The following AMMECR1L variants were observed in gnomAD, a reference collection of about 807,000 sequenced individuals.
The protein encoded by AMMECR1L is AMMECR1-like protein.
A neutral mutation model predicts 36.8 loss-of-function variants in AMMECR1L; 4 were observed. The observed-to-expected ratio is 0.11, with a 90% confidence interval of 0.05 to 0.25. The LOEUF (loss-of-function observed/expected upper bound fraction) is 0.25. Ranked by LOEUF, AMMECR1L falls within the 10% of genes least tolerant of loss-of-function variation. The pLI, the probability that AMMECR1L is intolerant of heterozygous loss-of-function variation, is 1.00. For synonymous variants in AMMECR1L, 147 were observed against 148.0 expected, an observed-to-expected ratio of 0.99 and a Z score of 0.05; for missense variants, 232 against 392.1, an observed-to-expected ratio of 0.59 and a Z score of 3.45.
In AMMECR1L at chr2:127,863,891, G is replaced by GA. The variant is rs1197850879; in HGVS notation, c.*1202dup. The GA allele has an allele frequency of 1.3e-5, 2 of 152,426 alleles. No homozygotes were observed. Among genetic ancestry groups the GA allele is most frequent in the Non-Finnish European group, 2.9e-5 (2 of 68,054 alleles). The allele number at this position is 152,426 out of a possible 1,614,324, so 9.4% of individuals were successfully genotyped here. ...AATGGGAAAGGGAAATATGTCACATGAAAGTTTGAAAGACCTAGAATAAAA... is the reference window on the plus strand; with the variant it reads ...AATGGGAAAGGGAAATATGTCACATGAAAAGTTTGAAAGACCTAGAATAAAA... On this transcript the variant is annotated 3_prime_UTR_variant, in exon 8 of 8. Transcript: ENST00000272647.
chr2:127,874,040 T>A lies in AMMECR1L; in HGVS notation c.195A>T (p.Ser65=). 6.2e-7 allele frequency: 1 copy of A among 1,614,246 alleles called. No homozygotes were observed. The highest frequency in any genetic ancestry group is 1.7e-5 in the Admixed American group (1 of 60,026). ...VDSSSGRENV[S]DLTLGPGNSP... ...AGTTTCCAGGTCCCAGAGTTAAGTC[T>A]GACACATTCTCCCGTCCACTGCTGC... Residue 65 remains serine (S), a synonymous_variant, in exon 3 of 8, where the codon TCA becomes TCT. Coordinates refer to ENST00000272647, the MANE Select transcript of AMMECR1L (RefSeq NM_001199140.2). This position sits in a 1 kb window ranked among gnomAD's most constrained non-coding sequence, Gnocchi z 5.2.
At chr2:127,882,901 ATTTTTTTTTT>A (rs35596458) in intron 2 of AMMECR1L, among the ~76,000 whole-genome samples, 4 of 132,908 alleles carry the variant, frequency 3.0e-5, no homozygotes, top group African/African-American at 8.4e-5. Flanking sequence ...TGTGCCCAGA[ATTTTTTTTTT>A]TTTTTTTTTT....
At chr2:127,883,686 TG>T (rs1264169818) in intron 2 of AMMECR1L, among the ~76,000 whole-genome samples, 2 of 152,254 alleles carry the variant, frequency 1.3e-5, no homozygotes, top group African/African-American at 4.8e-5. Context: ...CCCAGAACTT[TG>T]TTTCAAGTTT....
rs13409823 is a variant in AMMECR1L at position 127,866,823 on chromosome 2, T to C, written c.821+77A>G. 2.1e-3 allele frequency: 2,857 copies of C among 1,353,904 alleles called. 52 individuals are homozygous for C. The African/African-American group carries it at 0.036, about 17-fold the overall frequency. The allele number at this position is 1,353,904 out of a possible 1,614,324, so 83.9% of individuals were successfully genotyped here. ...AGGGACATTCACAGAGAACACTTCT[T>C]CTCCATCCCATCAAAATTATCCTCC... On this transcript the variant is annotated intron_variant, in intron 7 of 7. Transcript: ENST00000272647.
At chr2:127,880,524 C>T (rs1462961254) in intron 2 of AMMECR1L, among the ~76,000 whole-genome samples, 1 of 152,082 alleles carries the variant, frequency 6.6e-6, no homozygotes. Context: ...GCTTGCAGGA[C>T]GTTCTCTCTT....
At position 127,871,164 on chromosome 2, in the gene AMMECR1L, T is replaced by G; in HGVS notation, c.518+85A>C. ...ATTACCAAAAAGAGAAAGCTCAACG[T>G]ACATCACTTAGAAGAAATAAAGTCA... On this transcript the variant is annotated intron_variant, in intron 4 of 7. Coordinates refer to ENST00000272647, the MANE Select transcript of AMMECR1L (RefSeq NM_001199140.2). This position sits in a 1 kb window ranked among gnomAD's most constrained non-coding sequence, Gnocchi z 4.3. 1 of 1,426,068 alleles carries G rather than the reference T, an allele frequency of 7.0e-7. No individual in the cohort carries two copies. Among genetic ancestry groups the G allele is most frequent in the Non-Finnish European group, 9.8e-7 (1 of 1,025,164 alleles). The allele number at this position is 1,426,068 out of a possible 1,614,324, so 88.3% of individuals were successfully genotyped here.
At chr2:127,875,799 C>CTCTCTT (rs1553490140) in intron 2 of AMMECR1L, among the ~76,000 whole-genome samples, 29 of 151,310 alleles carry the variant, frequency 1.9e-4, no homozygotes, top group African/African-American at 4.1e-4. Flanking sequence ...CTCTCTCTCT[C>CTCTCTT]TCTTTTTCTT....
chr2:127,878,369 G>A (rs1004572062), intron 2 of AMMECR1L, among the ~76,000 whole-genome samples: 1 of 152,176 alleles, frequency 6.6e-6, no homozygotes, highest in South Asian at 2.1e-4. Flanking sequence ...TTTTAATAGG[G>A]CTCTGAGGCT....
chr2:127,880,497 GTCC>G (rs1558999986), intron 2 of AMMECR1L, among the ~76,000 whole-genome samples: 2 of 151,960 alleles, frequency 1.3e-5, no homozygotes, highest in Non-Finnish European at 2.9e-5. Flanking sequence ...ATGCTGCGGC[GTCC>G]TCATCTGCCC....
At position 127,863,278 on chromosome 2, in the gene AMMECR1L, T is replaced by G. The variant is rs1690542311; in HGVS notation, c.*1816A>C. The G allele has an allele frequency of 6.6e-6, 1 of 152,622 alleles. No homozygotes were observed. Among genetic ancestry groups the G allele is most frequent in the Non-Finnish European group, 1.5e-5 (1 of 68,034 alleles). 9.5% of individuals were successfully genotyped at this position (152,622 alleles called of 1,614,324 possible). ...TCACGAAACGACCCCTCCATCTTCA[T>G]TTACATTGCCAAGGGAAACGTAGCA... is the stretch of plus-strand genomic sequence containing the variant. On this transcript the variant is annotated 3_prime_UTR_variant, in exon 8 of 8. Transcript: ENST00000272647.
chr2:127,869,054 C>T lies in AMMECR1L; in HGVS notation c.724+400G>A, dbSNP rs1182898227. Among the ~76,000 whole-genome samples the T allele has an allele frequency of 6.6e-6, 1 of 152,074 alleles. No individual in the cohort carries two copies. Among genetic ancestry groups the T allele is most frequent in the Admixed American group, 6.6e-5 (1 of 15,250 alleles). ...TGAGTTCTTTAAAAAACAGTAGGGA[C>T]TATGTTTACACCCTTTGCCATGTAT... On this transcript the variant is annotated intron_variant, in intron 6 of 7. Transcript: ENST00000272647. This position sits in a 1 kb window ranked among gnomAD's most constrained non-coding sequence, Gnocchi z 4.7.
At chr2:127,879,799 G>A (rs17262062) in intron 2 of AMMECR1L, among the ~76,000 whole-genome samples, 8,697 of 152,196 alleles carry the variant, frequency 0.057, 337 homozygotes, top group Non-Finnish European at 0.084. Context: ...CCAGCAGCCC[G>A]GCTTTGTGAG....
chr2:127,882,480 A>T (rs1691548354), intron 2 of AMMECR1L, among the ~76,000 whole-genome samples: 1 of 152,220 alleles, frequency 6.6e-6, no homozygotes, highest in African/African-American at 2.4e-5. Context: ...ACCCACATAC[A>T]TTCTGGTAAC....
At chr2:127,877,482 C>T (rs1325969288) in intron 2 of AMMECR1L, among the ~76,000 whole-genome samples, 5 of 151,916 alleles carry the variant, frequency 3.3e-5, no homozygotes, top group South Asian at 2.1e-4. Context: ...ACTACCAGCA[C>T]GTGCCATCAT....
In AMMECR1L at chr2:127,869,492, C is replaced by T. The variant is rs1410305913; in HGVS notation, c.686G>A (p.Arg229His). 2 of 1,613,946 alleles carry T rather than the reference C, an allele frequency of 1.2e-6. No homozygotes were observed. Among genetic ancestry groups the T allele is most frequent in the Non-Finnish European group, 1.7e-6 (2 of 1,179,944 alleles). ...AACCTCAGGTAAATATGTGGCTGTG[C>T]GTTTGACACCTTTTTCATTAATGAA... The part of the protein sequence containing the change: ...IEFINEKGVK[R>H]TATYLPEVAK... The change falls in exon 6 of 8, where the codon CGC becomes CAC. Residue 229 changes from arginine (R) to histidine (H), a missense_variant. Arg to His is a conservative substitution (Grantham distance 29, BLOSUM62 0). Around this residue, in one of 3 missense-constraint regions of AMMECR1L, gnomAD observed 83 missense variants for 229.5 expected, o/e 0.36. Coordinates refer to ENST00000272647, the MANE Select transcript of AMMECR1L (RefSeq NM_001199140.2). The surrounding 1 kb of genome is among the most constrained non-coding windows in gnomAD (Gnocchi z 4.7).
At position 127,865,254 on chromosome 2, in the gene AMMECR1L, T is replaced by C. The variant is rs886442211; in HGVS notation, c.822-49A>G. Reference sequence around the variant, plus strand: ...TATTAGGAACCCCAAACGCTTCATTTTGTAAAGTCACTCAGCAGAGAAAAA... The same window carrying C: ...TATTAGGAACCCCAAACGCTTCATTCTGTAAAGTCACTCAGCAGAGAAAAA... On this transcript the variant is annotated intron_variant, in intron 7 of 7. Coordinates refer to ENST00000272647, the MANE Select transcript of AMMECR1L (RefSeq NM_001199140.2). This position sits in a 1 kb window ranked among gnomAD's most constrained non-coding sequence, Gnocchi z 5.4. The C allele has an allele frequency of 2.2e-6, 3 of 1,365,148 alleles. No individual in the cohort carries two copies. Among genetic ancestry groups the C allele is most frequent in the Non-Finnish European group, 3.1e-6 (3 of 979,036 alleles). 84.6% of individuals were successfully genotyped at this position (1,365,148 alleles called of 1,614,324 possible).
intron 2 of AMMECR1L, among the ~76,000 whole-genome samples, chr2:127,877,336 ATTT>A (rs71394702): frequency 6.7e-4 from 94 of 139,364 alleles, no homozygotes; most frequent in African/African-American, 2.2e-3. Context: ...CAGCGCTAGA[ATTT>A]TTTTTTTTTT....
chr2:127,874,183 A>AGCTGTT lies in AMMECR1L; in HGVS notation c.51_52insAACAGC (p.Gly17_Cys18insAsnSer). The stretch of plus-strand genomic sequence containing the variant: ...AATTTGGGCTTCTTGACCCCACAAC[A>AGCTGTT]GCCTGCTGCCAACTTGGGCTCGAGT... On this transcript the variant is annotated inframe_insertion, in exon 3 of 8. Coordinates refer to ENST00000272647, the MANE Select transcript of AMMECR1L (RefSeq NM_001199140.2). The surrounding 1 kb of genome is among the most constrained non-coding windows in gnomAD (Gnocchi z 5.2). 6.2e-7 allele frequency: 1 copy of AGCTGTT among 1,614,202 alleles called. No homozygotes were observed. Among genetic ancestry groups the AGCTGTT allele is most frequent in the Non-Finnish European group, 8.5e-7 (1 of 1,180,038 alleles).
intron 2 of AMMECR1L, among the ~76,000 whole-genome samples, chr2:127,877,036 CAT>C (rs10568778): frequency 0.25 from 36,022 of 142,048 alleles, 5,087 homozygotes; most frequent in South Asian, 0.47. Flanking sequence ...TATATATATA[CAT>C]ATATATATAT....
Sources: gnomAD v4.1 joint callset for allele counts (sites outside exome capture counted in the v4.1 genomes callset) on GRCh38, gnomAD v4.1.1 for gene constraint, gnomAD v4.1.1 regional missense constraint, Gnocchi (gnomAD v3.1) non-coding constraint, MANE v1.5 for transcripts, NCBI Gene and HGNC (gene_info 2026-07-23, HGNC 2026-07-21) for gene names.